The following RBFOX3 variants were observed in gnomAD, a reference collection of about 807,000 sequenced individuals.
RBFOX3 encodes RNA binding protein fox-1 homolog 3.
In RBFOX3, 17 loss-of-function variants were observed where a neutral mutation model predicts 48.7. The observed-to-expected ratio is 0.35, with a 90% CI of 0.24 to 0.52. The LOEUF is 0.52. RBFOX3 is among the 20% of genes least tolerant of loss of function. RBFOX3 has a pLI of 0.94. For missense variants in RBFOX3, 382 were observed against 497.5 expected, an observed-to-expected ratio of 0.77 and a Z score of 2.21; for synonymous variants, 212 against 209.5, an observed-to-expected ratio of 1.01 and a Z score of -0.10.
intron 4 of RBFOX3, among the ~76,000 whole-genome samples, chr17:79,124,176 G>A (rs932666460): frequency 1.3e-5 from 2 of 152,218 alleles, no homozygotes; most frequent in African/African-American, 4.8e-5. Context: ...CCTGGTGGGA[G>A]CATTTACACC....
At chr17:79,327,418 G>C (rs1386734479) in intron 2 of RBFOX3, among the ~76,000 whole-genome samples, 1 of 152,150 alleles carries the variant, frequency 6.6e-6, no homozygotes, top group Non-Finnish European at 1.5e-5. Flanking sequence ...CCAGGACCCT[G>C]GTGTTCTCCA....
intron 1 of RBFOX3, among the ~76,000 whole-genome samples, chr17:79,587,466 A>G (rs1267191786): frequency 1.3e-5 from 2 of 152,216 alleles, no homozygotes; most frequent in African/African-American, 4.8e-5. Context: ...TGCTGTTTTC[A>G]TCCTAACTTG....
intron 4 of RBFOX3, among the ~76,000 whole-genome samples, chr17:79,144,767 C>T (rs1269615429): frequency 1.3e-5 from 2 of 152,220 alleles, no homozygotes; most frequent in South Asian, 2.1e-4. Flanking sequence ...GCCCCCCACT[C>T]GGGCACAGGA....
At chr17:79,611,106 T>TCC (rs1399502081), upstream of RBFOX3, among the ~76,000 whole-genome samples, 4 of 68,044 alleles carry the variant, frequency 5.9e-5, no homozygotes, top group Admixed American at 7.8e-4. Flanking sequence ...TCTCTCTCTC[T>TCC]CCTCCCTCCT....
intron 2 of RBFOX3, among the ~76,000 whole-genome samples, chr17:79,351,774 C>A (rs2083984327): frequency 6.6e-6 from 1 of 152,206 alleles, no homozygotes; most frequent in South Asian, 2.1e-4. Flanking sequence ...CTTCTCCCAT[C>A]TGTTGGTTGC....
the RBFOX3 span, among the ~76,000 whole-genome samples, chr17:79,637,730 A>AGGGAGGGGAAGGGAG: frequency 1.8e-5 from 2 of 109,128 alleles, no homozygotes; most frequent in African/African-American, 7.5e-5. Context: ...GGCGAAGGGA[A>AGGGAGGGGAAGGGAG]GGGAGGGGAG....
At chr17:79,125,411 G>A (rs1281450343) in intron 4 of RBFOX3, among the ~76,000 whole-genome samples, 1 of 152,244 alleles carries the variant, frequency 6.6e-6, no homozygotes. Flanking sequence ...TCCAGACCTA[G>A]AGCTGAGGAC....
At chr17:79,509,916 C>G (rs1020570082) in intron 1 of RBFOX3, among the ~76,000 whole-genome samples, 2 of 152,018 alleles carry the variant, frequency 1.3e-5, no homozygotes, top group African/African-American at 2.4e-5. Context: ...TCCTTCCAAT[C>G]CTACTTACTT....
At chr17:79,321,485 C>T (rs1461240213) in intron 2 of RBFOX3, among the ~76,000 whole-genome samples, 2 of 152,170 alleles carry the variant, frequency 1.3e-5, no homozygotes, top group African/African-American at 4.8e-5. Context: ...CACAGAAACA[C>T]AGACATCTAA....
At chr17:79,174,357 A>C (rs1421430081) in intron 4 of RBFOX3, among the ~76,000 whole-genome samples, 1 of 120,136 alleles carries the variant, frequency 8.3e-6, no homozygotes, top group Non-Finnish European at 2.0e-5. Flanking sequence ...CCACACGTGC[A>C]CACAGACACA....
At chr17:79,321,011 TCA>T (rs2146009104) in intron 2 of RBFOX3, among the ~76,000 whole-genome samples, 2 of 152,276 alleles carry the variant, frequency 1.3e-5, no homozygotes, top group South Asian at 4.1e-4. Context: ...CTGGAGCCAT[TCA>T]CAGAGGCCCA....
At chr17:79,634,032 G>A in the RBFOX3 span, among the ~76,000 whole-genome samples, 1 of 152,110 alleles carries the variant, frequency 6.6e-6, no homozygotes, top group Non-Finnish European at 1.5e-5. Flanking sequence ...TGTCTTCGAC[G>A]CCTTTGGCAG....
At chr17:79,442,387 G>A (rs1412450345) in intron 2 of RBFOX3, among the ~76,000 whole-genome samples, 1 of 136,064 alleles carries the variant, frequency 7.3e-6, no homozygotes, top group African/African-American at 3.0e-5. Context: ...GAGAGAGAGA[G>A]AGAGAGAGAG....
In RBFOX3 at chr17:79,535,102, G is replaced by C. The variant is rs1003537888; in HGVS notation, c.-319-52504C>G. 1.4e-4 allele frequency among the ~76,000 whole-genome samples: 21 copies of C among 152,190 alleles called. No individual in the cohort carries two copies. The highest frequency in any genetic ancestry group is 5.1e-4 in the African/African-American group (21 of 41,428). Reference sequence around the variant, plus strand: ...GCCAGTCACATGACGGGAAGTCCAGGCTGTGGCAGCTGCGGGGTTGGGCGA... The same window carrying C: ...GCCAGTCACATGACGGGAAGTCCAGCCTGTGGCAGCTGCGGGGTTGGGCGA... On this transcript the variant is annotated intron_variant, in intron 1 of 14. Coordinates refer to ENST00000693108, the MANE Select transcript of RBFOX3 (RefSeq NM_001350451.2). This position sits in a 1 kb window ranked among gnomAD's most constrained non-coding sequence, Gnocchi z 4.5.
At position 79,390,061 on chromosome 17, in the gene RBFOX3, G is replaced by A. The variant is rs1052958803; in HGVS notation, c.-174-82237C>T. Among the ~76,000 whole-genome samples, 17 of 148,824 alleles carry A rather than the reference G, an allele frequency of 1.1e-4. No individual in the cohort carries two copies. The highest frequency in any genetic ancestry group is 1.6e-4 in the Non-Finnish European group (11 of 67,272). On this transcript the variant is annotated intron_variant, in intron 2 of 14. Transcript: ENST00000693108. This position sits in a 1 kb window ranked among gnomAD's most constrained non-coding sequence, Gnocchi z 4.2. Reference sequence around the variant, plus strand: ...TAGCCTCCAGGTCTCCGCAGCCGCCGGGTCTCCGCAGCCTCCGGGTCTCCG... The same window carrying A: ...TAGCCTCCAGGTCTCCGCAGCCGCCAGGTCTCCGCAGCCTCCGGGTCTCCG...
chr17:79,491,970 T>C (rs2080742734), intron 1 of RBFOX3, among the ~76,000 whole-genome samples: 1 of 152,086 alleles, frequency 6.6e-6, no homozygotes, highest in Non-Finnish European at 1.5e-5. Flanking sequence ...AAATCCCAGC[T>C]ACTCGAGAGG....
In RBFOX3 at chr17:79,479,884, C is replaced by T. The variant is rs1041912796; in HGVS notation, c.-175+2570G>A. ...GGGCCCTCCCCTAGGGACAGAGCTG[C>T]ACGCATCTTCTTGGAACTAGGCGTC... On this transcript the variant is annotated intron_variant, in intron 2 of 14. Transcript: ENST00000693108. This position sits in a 1 kb window ranked among gnomAD's most constrained non-coding sequence, Gnocchi z 5.1. Among the ~76,000 whole-genome samples the T allele has an allele frequency of 1.2e-4, 19 of 152,214 alleles. No individual in the cohort carries two copies. Among genetic ancestry groups the T allele is most frequent in the Middle Eastern group, 3.2e-3 (1 of 316 alleles).
the RBFOX3 span, among the ~76,000 whole-genome samples, chr17:79,651,230 C>A: frequency 2.0e-5 from 3 of 152,210 alleles, no homozygotes; most frequent in East Asian, 5.8e-4. Flanking sequence ...TTCCCCCAAG[C>A]CTTGGCTCAG....
intron 4 of RBFOX3, among the ~76,000 whole-genome samples, chr17:79,138,835 A>ACG (rs2041158529): frequency 1.0e-5 from 1 of 100,138 alleles, no homozygotes; most frequent in African/African-American, 4.2e-5. Context: ...TCACCCACAC[A>ACG]CATGCACACA....
Sources: gnomAD v4.1 joint callset for allele counts (sites outside exome capture counted in the v4.1 genomes callset) on GRCh38, gnomAD v4.1.1 for gene constraint, Gnocchi (gnomAD v3.1) non-coding constraint, MANE v1.5 for transcripts, NCBI Gene and HGNC (gene_info 2026-07-23, HGNC 2026-07-21) for gene names.